The following ADAMTSL3 variants were observed in gnomAD, a reference collection of about 807,000 sequenced individuals.
The protein encoded by ADAMTSL3 is ADAMTS-like protein 3.
ADAMTSL3 carries 128 observed loss-of-function variants against 201.7 expected under a neutral mutation model. The ratio of observed to expected loss-of-function variants is 0.63; its 90% confidence interval spans 0.55 to 0.73. The LOEUF is 0.73. Ranked by LOEUF, ADAMTSL3 falls within the 30% of genes least tolerant of loss-of-function variation. ADAMTSL3 has a pLI of 0.00. For missense variants in ADAMTSL3, 1,990 were observed against 2,119.6 expected (o/e 0.94, Z 1.20); for synonymous variants, 738 against 748.4 (o/e 0.99, Z 0.23).
chr15:83,878,677 C>T (rs1046712136), intron 9 of ADAMTSL3, among the ~76,000 whole-genome samples: 1 of 151,788 alleles, frequency 6.6e-6, no homozygotes, highest in South Asian at 2.1e-4. Flanking sequence ...AAGGTGTATC[C>T]TTTTATATAT....
At chr15:83,696,627 C>T (rs1266648174) in intron 2 of ADAMTSL3, among the ~76,000 whole-genome samples, 1 of 150,828 alleles carries the variant, frequency 6.6e-6, no homozygotes, top group Non-Finnish European at 1.5e-5. Flanking sequence ...GAGTGTATTC[C>T]TTGAATCCTT....
At chr15:83,975,513 C>A (rs1202412085) in intron 20 of ADAMTSL3, among the ~76,000 whole-genome samples, 1 of 152,056 alleles carries the variant, frequency 6.6e-6, no homozygotes, top group Non-Finnish European at 1.5e-5. Context: ...GCACTTCCTG[C>A]AGGGTCCCAG....
In ADAMTSL3 at chr15:84,037,770, C is replaced by G. The variant is rs2068537730; in HGVS notation, c.5040C>G (p.Tyr1680Ter). The G allele has an allele frequency of 6.2e-7, 1 of 1,613,864 alleles. No homozygotes were observed. Among genetic ancestry groups the G allele is most frequent in the African/African-American group, 1.3e-5 (1 of 74,912 alleles). The stretch of plus-strand genomic sequence containing the variant: ...TTAATTTGTGTTCTCTAGACCGCTA[C>G]AAACAAAGGTGCTGCCAGTCATGTC... ...KHLNLCSLDR[Y>*]KQRCCQSCQE... Residue 1680 changes from tyrosine (Y) to a stop codon, truncating the protein, a stop_gained, in exon 30 of 30, where the codon TAC becomes TAG. Coordinates refer to ENST00000286744, the MANE Select transcript of ADAMTSL3 (RefSeq NM_207517.3). LOFTEE classifies it high-confidence loss of function.
Position 83,784,952 on chromosome 15 carries a change from A to G in ADAMTSL3, c.317+11302A>G, listed in dbSNP as rs763412209. 4.6e-5 allele frequency among the ~76,000 whole-genome samples: 7 copies of G among 152,044 alleles called. No individual in the cohort carries two copies. The South Asian group carries it at 1.5e-3, about 32-fold the overall frequency. ...GTGTGTATACATTATTTCAACACTC[A>G]TTGTCTATCTTAATTGTGTGTGTGT... On this transcript the variant is annotated intron_variant, in intron 4 of 29. Transcript: ENST00000286744.
chr15:83,867,606 G>A (rs2065004217), intron 8 of ADAMTSL3, among the ~76,000 whole-genome samples: 1 of 152,160 alleles, frequency 6.6e-6, no homozygotes, highest in South Asian at 2.1e-4. Context: ...AGTACCTGAT[G>A]ACCAGTCAAA....
intron 9 of ADAMTSL3, among the ~76,000 whole-genome samples, chr15:83,880,817 G>A (rs997370089): frequency 6.6e-6 from 1 of 152,190 alleles, no homozygotes; most frequent in African/African-American, 2.4e-5. Flanking sequence ...CCAAGGCCAG[G>A]GTTGCAGGAG....
intron 20 of ADAMTSL3, among the ~76,000 whole-genome samples, chr15:83,972,938 G>A (rs771263682): frequency 5.8e-4 from 88 of 152,080 alleles, no homozygotes; most frequent in Non-Finnish European, 2.6e-4. Flanking sequence ...TCTCTACACC[G>A]TTTCCCTGCT....
At chr15:83,809,941 T>C (rs1189014782) in intron 5 of ADAMTSL3, among the ~76,000 whole-genome samples, 2 of 152,182 alleles carry the variant, frequency 1.3e-5, no homozygotes, top group Non-Finnish European at 2.9e-5. Flanking sequence ...ATCAAGTTTT[T>C]TCTTGGTGGG....
intron 3 of ADAMTSL3, among the ~76,000 whole-genome samples, chr15:83,766,624 C>A (rs1007949789): frequency 6.6e-6 from 1 of 151,990 alleles, no homozygotes; most frequent in Non-Finnish European, 1.5e-5. Context: ...GATTCCTGGT[C>A]GTGAAAGGAA....
intron 10 of ADAMTSL3, 73 bp from the exon 11 acceptor site, chr15:83,890,036 T>G (rs2065473669): frequency 1.3e-6 from 2 of 1,502,334 alleles, no homozygotes; most frequent in Non-Finnish European, 9.0e-7. Context: ...AAAAAGTGTG[T>G]GGCAAGTGAT....
chr15:83,710,341 T>G (rs1309339346), intron 3 of ADAMTSL3, among the ~76,000 whole-genome samples: 1 of 152,196 alleles, frequency 6.6e-6, no homozygotes, highest in African/African-American at 2.4e-5. Flanking sequence ...TTGCCTGTAC[T>G]CTCATCTACC....
In ADAMTSL3 at chr15:84,016,505, G is replaced by A. The variant is rs1471166855; in HGVS notation, c.4273+6G>A. 1 of 1,609,472 alleles carries A rather than the reference G, an allele frequency of 6.2e-7. No homozygotes were observed. Among genetic ancestry groups the A allele is most frequent in the African/African-American group, 1.3e-5 (1 of 74,766 alleles). On this transcript the variant is annotated splice_donor_region_variant and intron_variant, in intron 25 of 29. Coordinates refer to ENST00000286744, the MANE Select transcript of ADAMTSL3 (RefSeq NM_207517.3). The stretch of plus-strand genomic sequence containing the variant: ...AGGAGAACCCCCGCCTCAAGGTCTG[G>A]GATTTTGACCTTTTCAGATTTGCTA...
At chr15:83,875,135 A>G (rs1335956639) in intron 9 of ADAMTSL3, among the ~76,000 whole-genome samples, 3 of 152,226 alleles carry the variant, frequency 2.0e-5, no homozygotes, top group East Asian at 1.9e-4. Context: ...GAGAGAAAGC[A>G]GGGTGATGCT....
rs547431217 is a variant in ADAMTSL3, at chr15:83,724,932, AT to A, written c.189+20434del. ...GTACTCCATTGTGTATATGCATCAC[AT>A]TTTTTTTTTATCCATTCATCTGTTC... On this transcript the variant is annotated intron_variant, in intron 3 of 29. Transcript: ENST00000286744. Among the ~76,000 whole-genome samples the A allele has an allele frequency of 9.7e-4, 144 of 148,856 alleles. 1 individual carries two copies. Among genetic ancestry groups the A allele is most frequent in the Admixed American group, 2.8e-3 (41 of 14,896 alleles).
intron 23 of ADAMTSL3, among the ~76,000 whole-genome samples, chr15:83,998,442 C>T (rs1364874773): frequency 6.6e-6 from 1 of 151,846 alleles, no homozygotes; most frequent in Non-Finnish European, 1.5e-5. Flanking sequence ...GAGCGAGACT[C>T]CATTTCGAAA....
Position 83,982,332 on chromosome 15 carries a change from CAG to C in ADAMTSL3, c.2709_2710del (p.Arg903SerfsTer12). 6.2e-7 allele frequency: 1 copy of C among 1,613,802 alleles called. No individual in the cohort carries two copies. Among genetic ancestry groups the C allele is most frequent in the Non-Finnish European group, 8.5e-7 (1 of 1,179,948 alleles). ...GEQGPQILSV[Q>X]RVYIQTREEK... is the part of the protein sequence containing the mutation. ...GCAGGGTCCGCAGATCCTCAGTGTC[CAG>C]AGAGTCTACATTCAGACAAGGGAAG... is the stretch of plus-strand genomic sequence containing the variant. On this transcript the variant is annotated frameshift_variant, in exon 21 of 30. Coordinates refer to ENST00000286744, the MANE Select transcript of ADAMTSL3 (RefSeq NM_207517.3). LOFTEE classifies it high-confidence loss of function.
chr15:83,979,411 G>A (rs1216074744), intron 20 of ADAMTSL3, among the ~76,000 whole-genome samples: 4 of 152,140 alleles, frequency 2.6e-5, no homozygotes, highest in Non-Finnish European at 5.9e-5. Context: ...ATACTTACAC[G>A]GGTAGGCATA....
intron 3 of ADAMTSL3, among the ~76,000 whole-genome samples, chr15:83,713,211 C>T (rs960652336): frequency 6.6e-6 from 1 of 152,148 alleles, no homozygotes; most frequent in Non-Finnish European, 1.5e-5. Context: ...TAAAGAAGAT[C>T]GATCAGCCAT....
chr15:83,991,054 C>T, intron 22 of ADAMTSL3, 32 bp from the exon 23 acceptor site: 1 of 1,613,750 alleles, frequency 6.2e-7, no homozygotes, highest in Non-Finnish European at 8.5e-7. Context: ...AAGCCTGAAC[C>T]TAACATAGTT....
Sources: gnomAD v4.1 joint callset for allele counts (sites outside exome capture counted in the v4.1 genomes callset) on GRCh38, gnomAD v4.1.1 for gene constraint, MANE v1.5 for transcripts, NCBI Gene and HGNC (gene_info 2026-07-23, HGNC 2026-07-21) for gene names.